ARL14EPL: variants seen among roughly 807,000 people sequenced by gnomAD.
The protein encoded by ARL14EPL is ARF like GTPase 14 effector protein like.
In ARL14EPL, 17 loss-of-function variants were observed where a neutral mutation model predicts 15.9. The ratio of observed to expected loss-of-function variants is 1.07; its 90% CI spans 0.73 to 1.60. The LOEUF (loss-of-function observed/expected upper bound fraction) is 1.60. Among genes scored for constraint, ARL14EPL ranks in the 40% most tolerant of loss-of-function variants. The probability of loss-of-function intolerance (pLI) is 0.00; values close to 1 mark genes in which losing one functional copy is unlikely to be tolerated. For missense variants in ARL14EPL, 214 were observed against 185.9 expected, an observed-to-expected ratio of 1.15 and a Z score of -0.88; for synonymous variants, 78 against 63.8, an observed-to-expected ratio of 1.22 and a Z score of -1.06.
chr5:116,055,652 A>T (rs1001286946), intron 3 of ARL14EPL, among the ~76,000 whole-genome samples: 2 of 151,008 alleles, frequency 1.3e-5, no homozygotes, highest in African/African-American at 2.4e-5. Context: ...TATATATATA[A>T]TTTTTTTTAT....
Position 116,058,951 on chromosome 5 carries a change from C to A in ARL14EPL, c.*4C>A, listed in dbSNP as rs760772252. 59 of 1,535,372 alleles carry A rather than the reference C, an allele frequency of 3.8e-5. No individual in the cohort carries two copies. In the Middle Eastern group the frequency reaches 5.0e-4, roughly 13 times the overall value. ...GCCGTTTAATGTTCCTGACTAGGTG[C>A]TCTTGTATATGGACTGATTTGTTTC... On this transcript the variant is annotated 3_prime_UTR_variant, in exon 4 of 4. Transcript: ENST00000686077.
intron 1 of ARL14EPL, among the ~76,000 whole-genome samples, chr5:116,034,949 A>G (rs779269868): frequency 7.9e-5 from 12 of 152,222 alleles, no homozygotes; most frequent in Non-Finnish European, 1.8e-4. Flanking sequence ...TAAAGTTACT[A>G]GAATGTAGAA....
At chr5:116,040,816 A>C (rs1319592755) in intron 1 of ARL14EPL, among the ~76,000 whole-genome samples, 1 of 105,258 alleles carries the variant, frequency 9.5e-6, no homozygotes, top group Non-Finnish European at 1.8e-5. Context: ...TAAAAATACA[A>C]AAAAAAAAAA....
At chr5:116,044,537 G>T (rs1164387815) in intron 1 of ARL14EPL, among the ~76,000 whole-genome samples, 1 of 151,930 alleles carries the variant, frequency 6.6e-6, no homozygotes, top group Non-Finnish European at 1.5e-5. Flanking sequence ...TGCTATTAGT[G>T]CTATTTACAC....
chr5:116,046,600 A>G (rs960024948), intron 1 of ARL14EPL, among the ~76,000 whole-genome samples: 2 of 152,268 alleles, frequency 1.3e-5, no homozygotes, highest in Non-Finnish European at 2.9e-5. Context: ...TTAAAAGTAA[A>G]CATCATGTAT....
In ARL14EPL at chr5:116,051,570, C is replaced by T. The variant is rs1749380236; in HGVS notation, c.96+9C>T. On this transcript the variant is annotated intron_variant, in intron 2 of 3. Transcript: ENST00000686077. ...TTGGACAGAAACAACTGGTATGGCACACAGATTCTATGATTCCATGCTACT... is the reference window on the plus strand; with the variant it reads ...TTGGACAGAAACAACTGGTATGGCATACAGATTCTATGATTCCATGCTACT... 6.6e-7 allele frequency: 1 copy of T among 1,518,162 alleles called. No individual in the cohort carries two copies. The highest frequency in any genetic ancestry group is 1.4e-5 in the African/African-American group (1 of 72,624). 94.0% of individuals were successfully genotyped at this position (1,518,162 alleles called of 1,614,324 possible).
At position 116,034,336 on chromosome 5, in the gene ARL14EPL, T is replaced by C. The variant is rs542494091; in HGVS notation, c.-10+1831T>C. Reference sequence around the variant, plus strand: ...CCCCGTAACAGAGAATACCTATGGTTTCTTCCAGAAAGTGTTCCTTTGACT... The same window carrying C: ...CCCCGTAACAGAGAATACCTATGGTCTCTTCCAGAAAGTGTTCCTTTGACT... On this transcript the variant is annotated intron_variant, in intron 1 of 3. Coordinates refer to ENST00000686077, the MANE Select transcript of ARL14EPL (RefSeq NM_001195581.2). 8.5e-5 allele frequency among the ~76,000 whole-genome samples: 13 copies of C among 152,296 alleles called. No individual in the cohort carries two copies. In the South Asian group the frequency reaches 2.3e-3, roughly 27 times the overall value.
At chr5:116,047,221 C>G (rs185846888) in intron 1 of ARL14EPL, among the ~76,000 whole-genome samples, 1 of 152,188 alleles carries the variant, frequency 6.6e-6, no homozygotes, top group Admixed American at 6.5e-5. Flanking sequence ...GTGCCCTAAA[C>G]GGGAGGCTTT....
At chr5:116,047,811 T>A (rs1749302158) in intron 1 of ARL14EPL, among the ~76,000 whole-genome samples, 1 of 152,108 alleles carries the variant, frequency 6.6e-6, no homozygotes, top group African/African-American at 2.4e-5. Flanking sequence ...ATTTTAAGGT[T>A]TTATGGCTGG....
At chr5:116,032,947 A>ACCAC (rs1246297514) in intron 1 of ARL14EPL, among the ~76,000 whole-genome samples, 1 of 151,966 alleles carries the variant, frequency 6.6e-6, no homozygotes, top group Non-Finnish European at 1.5e-5. Flanking sequence ...ACAGGTGTGC[A>ACCAC]CCACCATGCC....
Position 116,058,918 on chromosome 5 carries a change from A to G in ARL14EPL, c.430A>G (p.Ser144Gly). Residue 144 changes from serine (S) to glycine (G), a missense_variant, in exon 4 of 4, where the codon AGC (serine) becomes GGC (glycine). Physicochemically the swap from Ser to Gly is moderately conservative, Grantham distance 56. Coordinates refer to ENST00000686077, the MANE Select transcript of ARL14EPL (RefSeq NM_001195581.2). ...AIVTESGEVI[S>G]TLPFNVPD is the part of the protein sequence containing the mutation. ...CGTCACTGAGTCAGGAGAGGTCATC[A>G]GCACGCTGCCGTTTAATGTTCCTGA... 6.5e-7 allele frequency: 1 copy of G among 1,536,112 alleles called. No homozygotes were observed. The highest frequency in any genetic ancestry group is 2.0e-5 in the Admixed American group (1 of 51,002).
rs187094834 is a variant in ARL14EPL, at chr5:116,045,577, G to A, written c.-9-5880G>A. Among the ~76,000 whole-genome samples, 574 of 152,318 alleles carry A rather than the reference G, an allele frequency of 3.8e-3. 2 individuals are homozygous for A. The highest frequency in any genetic ancestry group is 6.5e-3 in the Non-Finnish European group (439 of 68,030). Reference sequence around the variant, plus strand: ...CAGTGACCCAGACAGGCCGTTTAAGGGAGTTGGTTTTAAAGTGATGCCAGA... The same window carrying A: ...CAGTGACCCAGACAGGCCGTTTAAGAGAGTTGGTTTTAAAGTGATGCCAGA... On this transcript the variant is annotated intron_variant, in intron 1 of 3. Transcript: ENST00000686077.
intron 1 of ARL14EPL, among the ~76,000 whole-genome samples, chr5:116,033,150 T>C (rs1435473225): frequency 6.6e-6 from 1 of 152,138 alleles, no homozygotes; most frequent in African/African-American, 2.4e-5. Context: ...AAATAACAAC[T>C]CTCTGCTAGG....
chr5:116,051,644 G>T, intron 2 of ARL14EPL, 83 bp downstream of exon 2: 4 of 1,215,398 alleles, frequency 3.3e-6, no homozygotes, highest in Non-Finnish European at 4.6e-6. Flanking sequence ...ATGTGGGTGG[G>T]AAGGTGGGCC....
At chr5:116,043,596 A>C (rs943323941) in intron 1 of ARL14EPL, among the ~76,000 whole-genome samples, 1 of 152,194 alleles carries the variant, frequency 6.6e-6, no homozygotes, top group Non-Finnish European at 1.5e-5. Context: ...CAAAAACTAT[A>C]TTAAGTGTTG....
rs77500385 is a variant in ARL14EPL at position 116,051,264 on chromosome 5, G to A, written c.-9-193G>A. 2,835 of 483,258 alleles carry A rather than the reference G, an allele frequency of 5.9e-3. 88 individuals are homozygous for A. The East Asian group carries it at 0.071, about 12-fold the overall frequency. 29.9% of individuals were successfully genotyped at this position (483,258 alleles called of 1,614,324 possible). A position where few individuals can be genotyped will look rare whatever the true frequency, so the allele number is the denominator to read the frequency against. On this transcript the variant is annotated intron_variant, in intron 1 of 3. Coordinates refer to ENST00000686077, the MANE Select transcript of ARL14EPL (RefSeq NM_001195581.2). Reference sequence around the variant, plus strand: ...CTCCTGGAACCCCCGGCAGAGGAGAGCCTCAGTAGGGTGGTCTGGGGGAGT... The same window carrying A: ...CTCCTGGAACCCCCGGCAGAGGAGAACCTCAGTAGGGTGGTCTGGGGGAGT...
At chr5:116,049,585 A>G (rs1389673777) in intron 1 of ARL14EPL, among the ~76,000 whole-genome samples, 1 of 152,220 alleles carries the variant, frequency 6.6e-6, no homozygotes, top group Non-Finnish European at 1.5e-5. Context: ...GATGGAACTC[A>G]TTAGCTTGGT....
intron 1 of ARL14EPL, among the ~76,000 whole-genome samples, chr5:116,039,043 G>A (rs1420662113): frequency 6.6e-6 from 1 of 152,194 alleles, no homozygotes; most frequent in Non-Finnish European, 1.5e-5. Context: ...TGGTAGCAGG[G>A]TGGGGGAAGA....
At chr5:116,045,898 A>G (rs1749258825) in intron 1 of ARL14EPL, among the ~76,000 whole-genome samples, 1 of 152,142 alleles carries the variant, frequency 6.6e-6, no homozygotes. Flanking sequence ...GGCTTAAATC[A>G]AAGTACTTTT....
Sources: gnomAD v4.1 joint callset for allele counts (sites outside exome capture counted in the v4.1 genomes callset) on GRCh38, gnomAD v4.1.1 for gene constraint, MANE v1.5 for transcripts, NCBI Gene and HGNC (gene_info 2026-07-23, HGNC 2026-07-21) for gene names.